Variants in GSTT4 observed in about 807,000 individuals in gnomAD.
The protein encoded by GSTT4 is glutathione S-transferase theta 4.
downstream of GSTT4, among the ~76,000 whole-genome samples, chr22:23,996,906 T>C (rs1168011351): frequency 7.0e-6 from 1 of 142,504 alleles, no homozygotes; most frequent in African/African-American, 2.6e-5. Context: ...GTGAAGGCTT[T>C]GTGTTAGTTC....
chr22:24,002,842 A>AC (rs1207171501), intron 2 of GSTT4, among the ~76,000 whole-genome samples: 1 of 36,178 alleles, frequency 2.8e-5, no homozygotes, highest in Non-Finnish European at 8.3e-5. Flanking sequence ...AAAAAAAAAA[A>AC]AAAAAAAACT....
In GSTT4 at chr22:23,998,555, T is replaced by A. The variant is rs993870301; in HGVS notation, c.713A>T (p.Lys238Met). 6 of 154,812 alleles carry A rather than the reference T, an allele frequency of 3.9e-5. No homozygotes were observed. The highest frequency in any genetic ancestry group is 1.4e-4 in the African/African-American group (6 of 41,480). 9.6% of individuals were successfully genotyped at this position (154,812 alleles called of 1,614,324 possible). A position where few individuals can be genotyped will look rare whatever the true frequency, so the allele number is the denominator to read the frequency against. The change falls in exon 5 of 5, where the codon AAG becomes ATG. Residue 238 changes from lysine (K) to methionine (M), a missense_variant. Coordinates refer to ENST00000621179, the MANE Select transcript of GSTT4 (RefSeq NM_001358664.2). ...MVKENISELL[K>M]KSR is the part of the protein sequence containing the mutation. ...CTGCGCCTAGGGTCACCTGCTCTTCTTCAGCAACTCAGAAATATTCTCCTT... is the reference window on the plus strand; with the variant it reads ...CTGCGCCTAGGGTCACCTGCTCTTCATCAGCAACTCAGAAATATTCTCCTT...
downstream of GSTT4, among the ~76,000 whole-genome samples, chr22:23,993,440 C>A (rs1235244599): frequency 2.6e-5 from 4 of 152,214 alleles, no homozygotes; most frequent in Non-Finnish European, 5.9e-5. Context: ...CAGGCTCCCA[C>A]CCCCAAACCC....
chr22:24,003,512 C>A (rs2034282927), intron 2 of GSTT4, among the ~76,000 whole-genome samples: 1 of 152,268 alleles, frequency 6.6e-6, no homozygotes, highest in Non-Finnish European at 1.5e-5. Flanking sequence ...GGCTTCTAAA[C>A]ATTTATGAAT....
the GSTT4 span, chr22:23,991,509 G>A: frequency 3.2e-5 from 2 of 63,012 alleles, 1 homozygote; most frequent in Admixed American, 3.0e-4. Context: ...GGACAGGCCC[G>A]GGAACAGGAA....
the GSTT4 span, among the ~76,000 whole-genome samples, chr22:23,992,072 A>G: frequency 6.8e-6 from 1 of 147,898 alleles, no homozygotes; most frequent in Non-Finnish European, 1.5e-5. Context: ...AAAAAAAAAA[A>G]AGGAAGAGGA....
intron 1 of GSTT4, chr22:24,004,679 G>A (rs1424430685): frequency 6.5e-6 from 1 of 154,038 alleles, no homozygotes; most frequent in Non-Finnish European, 1.4e-5. Flanking sequence ...TGCCTGGTGG[G>A]AGCCCAGGGA....
chr22:23,989,669 T>A, the GSTT4 span, among the ~76,000 whole-genome samples: 1 of 151,160 alleles, frequency 6.6e-6, no homozygotes, highest in African/African-American at 2.4e-5. Context: ...CCCTGCCCCA[T>A]TCAGCCACTC....
At chr22:23,994,479 C>A (rs1458910044), downstream of GSTT4, among the ~76,000 whole-genome samples, 1 of 151,182 alleles carries the variant, frequency 6.6e-6, no homozygotes, top group African/African-American at 2.4e-5. Flanking sequence ...TAGGAAGTAG[C>A]TGCCTATTCT....
the GSTT4 span, among the ~76,000 whole-genome samples, chr22:23,993,311 C>T: frequency 1.4e-3 from 218 of 152,274 alleles, no homozygotes; most frequent in African/African-American, 5.2e-3. Flanking sequence ...GACCCTCCTG[C>T]CTTGTCCTCC....
chr22:23,998,139 C>T (rs555634907), downstream of GSTT4, among the ~76,000 whole-genome samples: 17 of 152,140 alleles, frequency 1.1e-4, no homozygotes, highest in South Asian at 2.1e-4. Flanking sequence ...CTGCTCCTGT[C>T]GGGTGGAACG....
the GSTT4 span, among the ~76,000 whole-genome samples, chr22:23,993,186 C>G: frequency 6.6e-6 from 1 of 152,218 alleles, no homozygotes; most frequent in Non-Finnish European, 1.5e-5. Context: ...GGCCTAGCTG[C>G]TTCATATTCT....
At chr22:23,996,769 T>A (rs992828021), downstream of GSTT4, among the ~76,000 whole-genome samples, 2 of 152,228 alleles carry the variant, frequency 1.3e-5, no homozygotes, top group African/African-American at 4.8e-5. Flanking sequence ...TCTATATTTA[T>A]AAGGATATTG....
rs2034150654 is a variant in GSTT4, at chr22:23,998,487, A to T, written c.*55T>A. 2 of 153,484 alleles carry T rather than the reference A, an allele frequency of 1.3e-5. No individual in the cohort carries two copies. Among genetic ancestry groups the T allele is most frequent in the Non-Finnish European group, 2.9e-5 (2 of 67,988 alleles). The allele number at this position is 153,484 out of a possible 1,614,324, so 9.5% of individuals were successfully genotyped here. A position where few individuals can be genotyped will look rare whatever the true frequency, so the allele number is the denominator to read the frequency against. On this transcript the variant is annotated 3_prime_UTR_variant, in exon 5 of 5. Transcript: ENST00000621179. Reference sequence around the variant, plus strand: ...TTTTTTTTAACATTTCCTTTAAGGAAGGTGGCTCAGATTGCTAAGCCAGCC... The same window carrying T: ...TTTTTTTTAACATTTCCTTTAAGGATGGTGGCTCAGATTGCTAAGCCAGCC...
At chr22:23,996,716 C>T (rs2034119846), downstream of GSTT4, among the ~76,000 whole-genome samples, 1 of 152,216 alleles carries the variant, frequency 6.6e-6, no homozygotes, top group South Asian at 2.1e-4. Context: ...TTTTAATATG[C>T]TGCTGGATTT....
At chr22:24,003,209 T>G (rs5760175) in intron 2 of GSTT4, among the ~76,000 whole-genome samples, 56,017 of 151,902 alleles carry the variant, frequency 0.37, 8,621 homozygotes, top group South Asian at 0.49. Flanking sequence ...TTGATTTATT[T>G]ACTTATTTAT....
downstream of GSTT4, among the ~76,000 whole-genome samples, chr22:23,997,514 C>A (rs1345174672): frequency 1.3e-5 from 2 of 152,078 alleles, no homozygotes; most frequent in Non-Finnish European, 1.5e-5. Context: ...TGAGCCATTG[C>A]ACCCAGCCTC....
Position 23,998,439 on chromosome 22 carries a change from T to C in GSTT4, c.*103A>G, listed in dbSNP as rs1298555946. The C allele has an allele frequency of 2.4e-5, 3 of 127,364 alleles. No individual in the cohort carries two copies. The highest frequency in any genetic ancestry group is 9.5e-5 in the African/African-American group (3 of 31,696). 7.9% of individuals were successfully genotyped at this position (127,364 alleles called of 1,614,324 possible). On this transcript the variant is annotated 3_prime_UTR_variant, in exon 5 of 5. Coordinates refer to ENST00000621179, the MANE Select transcript of GSTT4 (RefSeq NM_001358664.2). ...AGTTCTTTATTAGGCAAAGAACAGT[T>C]GTTTTTTTGTTTTTTTGTTTTTTTT...
At chr22:23,997,720 G>C (rs1366082528), downstream of GSTT4, among the ~76,000 whole-genome samples, 1 of 139,974 alleles carries the variant, frequency 7.1e-6, no homozygotes, top group Non-Finnish European at 1.6e-5. Flanking sequence ...GTTGGGTTGA[G>C]TTTGCTCTTA....
Sources: gnomAD v4.1 joint callset for allele counts (sites outside exome capture counted in the v4.1 genomes callset) on GRCh38, gnomAD v4.1.1 for gene constraint, MANE v1.5 for transcripts, NCBI Gene and HGNC (gene_info 2026-07-23, HGNC 2026-07-21) for gene names.